The following DDB1 variants were observed in gnomAD, a reference collection of about 807,000 sequenced individuals.
DDB1 encodes the protein damage specific DNA binding protein 1.
DDB1 carries 18 observed loss-of-function variants against 133.1 expected under a neutral mutation model. That is an observed-to-expected ratio of 0.14 (90% CI 0.09 to 0.20). DDB1 has a LOEUF of 0.20. Ranked by LOEUF, DDB1 falls within the 10% of genes least tolerant of loss-of-function variation. The probability of loss-of-function intolerance (pLI) is 1.00; values close to 1 mark genes in which losing one functional copy is unlikely to be tolerated. For synonymous variants in DDB1, 580 were observed against 550.5 expected, an observed-to-expected ratio of 1.05 and a Z score of -0.75; for missense variants, 828 against 1,459.2, an observed-to-expected ratio of 0.57 and a Z score of 7.05.
intron 26 of DDB1, 40 bp downstream of exon 26, chr11:61,300,769 T>G (rs1216399994): frequency 1.9e-6 from 3 of 1,612,004 alleles, no homozygotes; most frequent in Non-Finnish European, 2.5e-6. Context: ...CAACCTGCAG[T>G]GGACTTGTCT....
At chr11:61,309,312 A>G (rs1463586067) in intron 20 of DDB1, among the ~76,000 whole-genome samples, 1 of 152,196 alleles carries the variant, frequency 6.6e-6, no homozygotes, top group East Asian at 1.9e-4. Context: ...CTGAAACTCT[A>G]GATCTCTCTC....
chr11:61,301,209 T>C (rs974240103), intron 25 of DDB1: 3 of 347,252 alleles, frequency 8.6e-6, no homozygotes, highest in Non-Finnish European at 1.6e-5. Context: ...ATGGAAGTTC[T>C]TTAAAAGTGC....
chr11:61,307,564 A>C (rs1855897749), intron 21 of DDB1, among the ~76,000 whole-genome samples: 1 of 152,220 alleles, frequency 6.6e-6, no homozygotes, highest in South Asian at 2.1e-4. Context: ...TCCTAGGGCT[A>C]TCTTCAGATC....
rs776247898 is a variant in DDB1 at position 61,329,516 on chromosome 11, G to A, written c.396C>T (p.Gly132=). 6.2e-7 allele frequency: 1 copy of A among 1,614,178 alleles called. No homozygotes were observed. Among genetic ancestry groups the A allele is most frequent in the African/African-American group, 1.3e-5 (1 of 75,034 alleles). Residue 132 remains glycine (G), a synonymous_variant, in exon 4 of 27, where the codon GGC becomes GGT. Transcript: ENST00000301764. The part of the protein sequence containing the change: ...GIIDPECRMI[G]LRLYDGLFKV... The stretch of plus-strand genomic sequence containing the variant: ...TGAAAAGGCCATCATAGAGACGCAG[G>A]CCAATCATCCGGCACTCAGGGTCAA...
chr11:61,302,966 C>A, intron 23 of DDB1, 80 bp downstream of exon 23: 1 of 1,401,606 alleles, frequency 7.1e-7, no homozygotes, highest in Non-Finnish European at 1.0e-6. Context: ...GAACCTGACA[C>A]AGAACCCAAT....
intron 1 of DDB1, chr11:61,332,545 T>C (rs1030770545): frequency 9.9e-6 from 2 of 202,640 alleles, no homozygotes; most frequent in Non-Finnish European, 2.0e-5. Context: ...AGGAAAATCT[T>C]GACCCCAAAG....
rs1297375112 is a variant in DDB1 at position 61,316,956 on chromosome 11, T to TAG, written c.1226-390_1226-389insCT. Among the ~76,000 whole-genome samples, 66 of 10,976 alleles carry TAG rather than the reference T, an allele frequency of 6.0e-3. 3 individuals carry two copies. The highest frequency in any genetic ancestry group is 9.7e-3 in the Non-Finnish European group (58 of 5,952). The allele number at this position is 10,976 out of a possible 152,430, so 7.2% of individuals were successfully genotyped here. ...AAAAAAAAAAGGATAGATATATATA[T>TAG]ATATATATATATATATATATATATA... On this transcript the variant is annotated intron_variant, in intron 10 of 26. Coordinates refer to ENST00000301764, the MANE Select transcript of DDB1 (RefSeq NM_001923.5).
intron 2 of DDB1, 106 bp downstream of exon 2, chr11:61,331,436 TG>T: frequency 6.9e-7 from 1 of 1,458,654 alleles, no homozygotes; most frequent in Non-Finnish European, 9.2e-7. Flanking sequence ...TGGGCAACAC[TG>T]TGAGACCCCC....
intron 10 of DDB1, among the ~76,000 whole-genome samples, chr11:61,316,974 T>TATAG (rs1856091846): frequency 1.7e-5 from 1 of 60,086 alleles, no homozygotes; most frequent in Non-Finnish European, 3.4e-5. Context: ...TATATATATA[T>TATAG]ATATATATAT....
chr11:61,307,952 C>A (rs922613087), intron 21 of DDB1, among the ~76,000 whole-genome samples: 1 of 152,168 alleles, frequency 6.6e-6, no homozygotes, highest in Non-Finnish European at 1.5e-5. Flanking sequence ...CAGCAACCAC[C>A]GAATGCATCC....
chr11:61,313,921 T>A lies in DDB1; in HGVS notation c.1802A>T (p.Tyr601Phe), dbSNP rs1407606603. ...ILMTTFESSH[Y>F]LLCALGDGAL... ...TCCATCTCCCAAGGCACAAAGGAGG[T>A]AATGGCTACTCTCAAAGGTGGTCAT... The change falls in exon 15 of 27, where the codon TAC (tyrosine) becomes TTC (phenylalanine). Residue 601 changes from tyrosine to phenylalanine, a missense_variant. Tyr to Phe is a conservative substitution (Grantham distance 22). Transcript: ENST00000301764. The A allele has an allele frequency of 1.9e-6, 3 of 1,613,840 alleles. No homozygotes were observed. Among genetic ancestry groups the A allele is most frequent in the Non-Finnish European group, 1.7e-6 (2 of 1,179,998 alleles).
At position 61,316,231 on chromosome 11, in the gene DDB1, G is replaced by A. The variant is rs774974105; in HGVS notation, c.1410+54C>T. The A allele has an allele frequency of 1.3e-5, 19 of 1,481,488 alleles. No homozygotes were observed. The Admixed American group carries it at 1.9e-4, about 14-fold the overall frequency. The allele number at this position is 1,481,488 out of a possible 1,614,324, so 91.8% of individuals were successfully genotyped here. On this transcript the variant is annotated intron_variant, in intron 12 of 26. Transcript: ENST00000301764. ...TTAAAATCCAGTGGTGCTCTGTACT[G>A]CATCTAGGTCAATTCAAGTATATGG... is the stretch of plus-strand genomic sequence containing the variant.
In DDB1 at chr11:61,323,960, C is replaced by G; in HGVS notation, c.921+19G>C. 3 of 1,613,814 alleles carry G rather than the reference C, an allele frequency of 1.9e-6. No homozygotes were observed. Among genetic ancestry groups the G allele is most frequent in the South Asian group, 1.1e-5 (1 of 91,070 alleles). The stretch of plus-strand genomic sequence containing the variant: ...AACCTAAAAGAACATTGTAGAGGAA[C>G]AGGGAGAACAAGCTCTACCTCTCCA... On this transcript the variant is annotated intron_variant, in intron 7 of 26. Transcript: ENST00000301764.
chr11:61,329,984 T>C lies in DDB1; in HGVS notation c.301A>G (p.Ile101Val), dbSNP rs2134939863. ...TGGACATTGCCATGGGCTCGCGTAA[T>C]GATGTCAATGCTCTCGCCACTCTGT... ...YKQSGESIDI[I>V]TRAHGNVQDR... Residue 101 changes from isoleucine (I) to valine (V), a missense_variant, in exon 3 of 27, where the codon ATT becomes GTT. Transcript: ENST00000301764. The C allele has an allele frequency of 1.2e-6, 2 of 1,613,540 alleles. No homozygotes were observed. The highest frequency in any genetic ancestry group is 1.7e-6 in the Non-Finnish European group (2 of 1,179,494).
intron 10 of DDB1, among the ~76,000 whole-genome samples, chr11:61,317,717 A>G (rs1856115169): frequency 6.6e-6 from 1 of 152,182 alleles, no homozygotes; most frequent in Non-Finnish European, 1.5e-5. Context: ...CGTGTTAGCC[A>G]GGATGGTCTC....
intron 21 of DDB1, among the ~76,000 whole-genome samples, chr11:61,308,309 T>A (rs982785200): frequency 6.6e-6 from 1 of 152,144 alleles, no homozygotes; most frequent in South Asian, 2.1e-4. Context: ...CCTCCCTTCA[T>A]TTTGGAATCT....
chr11:61,311,746 C>T (rs774265530), intron 18 of DDB1, 38 bp downstream of exon 18: 9 of 1,573,682 alleles, frequency 5.7e-6, no homozygotes, highest in Non-Finnish European at 7.8e-6. Context: ...TTGCTGGCCC[C>T]TGCTCTAAGG....
chr11:61,324,218 A>G, intron 6 of DDB1, 81 bp from the exon 7 acceptor site: 1 of 1,517,594 alleles, frequency 6.6e-7, no homozygotes, highest in Non-Finnish European at 9.1e-7. Flanking sequence ...CACTCCCTTT[A>G]CCAAACCCAG....
chr11:61,323,107 C>T lies in DDB1; in HGVS notation c.922-13G>A. 10 of 1,611,846 alleles carry T rather than the reference C, an allele frequency of 6.2e-6. No homozygotes were observed. The highest frequency in any genetic ancestry group is 8.5e-6 in the Non-Finnish European group (10 of 1,178,552). ...CAGCAATAGAGGTCTGGAAGAAAGT[C>T]AGCAACGTGAAAGAAATGAGAATGG... On this transcript the variant is annotated splice_polypyrimidine_tract_variant and intron_variant, in intron 7 of 26. Transcript: ENST00000301764.
Sources: gnomAD v4.1 joint callset for allele counts (sites outside exome capture counted in the v4.1 genomes callset) on GRCh38, gnomAD v4.1.1 for gene constraint, MANE v1.5 for transcripts, NCBI Gene and HGNC (gene_info 2026-07-23, HGNC 2026-07-21) for gene names.